Variants in RNF207 observed in about 807,000 individuals in gnomAD.
RNF207 encodes the protein OTTHUMG00000001089.
RNF207 carries 72 observed loss-of-function variants against 79.0 expected under a neutral mutation model. The ratio of observed to expected loss-of-function variants is 0.91; its 90% CI spans 0.75 to 1.11. RNF207 has a LOEUF of 1.11. RNF207 is among the 50% of genes least tolerant of loss of function. The pLI, the probability that RNF207 is intolerant of heterozygous loss-of-function variation, is 0.00. For synonymous variants in RNF207, 348 were observed against 366.2 expected, an observed-to-expected ratio of 0.95 and a Z score of 0.57; for missense variants, 936 against 855.8, an observed-to-expected ratio of 1.09 and a Z score of -1.17.
At chr1:6,210,093 G>A in intron 8 of RNF207, 123 bp downstream of exon 8, 1 of 1,312,688 alleles carries the variant, frequency 7.6e-7, no homozygotes, top group South Asian at 1.3e-5. Context: ...CCCAGCTAAG[G>A]AGGGCAGCAT....
Position 6,212,030 on chromosome 1 carries a change from C to G in RNF207, c.1273C>G (p.Arg425Gly), listed in dbSNP as rs138727802. The change falls in exon 13 of 18, where the codon CGC becomes GGC. Residue 425 changes from arginine to glycine, a missense_variant. Transcript: ENST00000377939. ...GAACACGCCCTTCGCAGAGCACTGC[C>G]GCCACTATGAGGACTCCTACCGGGT... is the stretch of plus-strand genomic sequence containing the variant. Reference protein sequence around the residue: ...GENTPFAEHCRHYEDSYRHLQ... With the variant: ...GENTPFAEHCGHYEDSYRHLQ... The G allele has an allele frequency of 3.1e-6, 5 of 1,601,328 alleles. No individual in the cohort carries two copies. Among genetic ancestry groups the G allele is most frequent in the East Asian group, 4.5e-5 (2 of 44,320 alleles).
At chr1:6,214,744 C>T (rs1240405709) in intron 16 of RNF207, among the ~76,000 whole-genome samples, 2 of 150,376 alleles carry the variant, frequency 1.3e-5, no homozygotes, top group Non-Finnish European at 2.9e-5. Context: ...AAGCCATTCT[C>T]CTGCCTCAGC....
At chr1:6,206,819 G>A in intron 2 of RNF207, 93 bp downstream of exon 2, 1 of 1,046,028 alleles carries the variant, frequency 9.6e-7, no homozygotes, top group Non-Finnish European at 1.4e-6. Context: ...TGCCAGGAGA[G>A]TAAGGCTCCA....
At position 6,209,256 on chromosome 1, in the gene RNF207, C is replaced by G; in HGVS notation, c.552-12C>G. The G allele has an allele frequency of 2.6e-6, 4 of 1,549,438 alleles. No homozygotes were observed. The highest frequency in any genetic ancestry group is 3.5e-6 in the Non-Finnish European group (4 of 1,146,668). On this transcript the variant is annotated splice_polypyrimidine_tract_variant and intron_variant, in intron 5 of 17. Transcript: ENST00000377939. Reference sequence around the variant, plus strand: ...GGCCGCTGGAGCGGGCCTCACCCGCCGCCTTCTGCAGGGAGAGCCGGGCAC... The same window carrying G: ...GGCCGCTGGAGCGGGCCTCACCCGCGGCCTTCTGCAGGGAGAGCCGGGCAC...
rs561978490 is a variant in RNF207 at position 6,206,162 on chromosome 1, GC to G, written c.-139del. On this transcript the variant is annotated 5_prime_UTR_variant, in exon 1 of 18. Coordinates refer to ENST00000377939, the MANE Select transcript of RNF207 (RefSeq NM_207396.3). ...GAGTGGGAACCATCGCCCGGTGCGG[GC>G]CTGAACTTCCAGGGCCGGCTACTCC... The G allele has an allele frequency of 1.8e-3, 388 of 216,376 alleles. 1 individual carries two copies. The highest frequency in any genetic ancestry group is 2.3e-3 in the Non-Finnish European group (255 of 110,418). 13.4% of individuals were successfully genotyped at this position (216,376 alleles called of 1,614,324 possible).
chr1:6,206,506 C>A (rs1667906242), intron 1 of RNF207, 30 bp from the exon 2 acceptor site: 3 of 1,514,070 alleles, frequency 2.0e-6, no homozygotes, highest in Non-Finnish European at 2.6e-6. Flanking sequence ...CCGTGCGTGC[C>A]CCAGCCGCCC....
At chr1:6,213,703 A>G (rs768470377) in intron 16 of RNF207, among the ~76,000 whole-genome samples, 2 of 152,164 alleles carry the variant, frequency 1.3e-5, no homozygotes, top group Non-Finnish European at 2.9e-5. Context: ...GCACTTTCTA[A>G]GGGTGTCACG....
chr1:6,219,484 T>C lies in RNF207; in HGVS notation c.*77T>C. 1 of 1,104,056 alleles carries C rather than the reference T, an allele frequency of 9.1e-7. No homozygotes were observed. Among genetic ancestry groups the C allele is most frequent in the Admixed American group, 2.6e-5 (1 of 38,024 alleles). The allele number at this position is 1,104,056 out of a possible 1,614,324, so 68.4% of individuals were successfully genotyped here. On this transcript the variant is annotated 3_prime_UTR_variant, in exon 18 of 18. Coordinates refer to ENST00000377939, the MANE Select transcript of RNF207 (RefSeq NM_207396.3). ...GACACTGGACAGAAGGTTGTTCCCA[T>C]GATGGTTTTTTTTATTTTTTATTTT...
chr1:6,212,696 C>T lies in RNF207; in HGVS notation c.1497C>T (p.Ala499=), dbSNP rs903561873. ...RVVFQEIWEE[A]YQRVANEQEI... ...TTCTCTTTCAGATTTGGGAGGAAGC[C>T]TATCAGCGAGTGGCTAATGAGCAGG... Residue 499 remains alanine, a synonymous_variant, in exon 15 of 18, where the codon GCC becomes GCT. Transcript: ENST00000377939. 10 of 1,613,760 alleles carry T rather than the reference C, an allele frequency of 6.2e-6. No individual in the cohort carries two copies. The highest frequency in any genetic ancestry group is 8.5e-6 in the Non-Finnish European group (10 of 1,179,798).
intron 16 of RNF207, among the ~76,000 whole-genome samples, chr1:6,214,630 C>CTTTCTTT (rs1668298424): frequency 1.4e-5 from 1 of 70,628 alleles, no homozygotes; most frequent in African/African-American, 6.8e-5. Context: ...ATATTTCTTT[C>CTTTCTTT]TTTTTTTTTT....
Position 6,207,344 on chromosome 1 carries a change from G to A in RNF207, c.192-35G>A. On this transcript the variant is annotated intron_variant, in intron 2 of 17. Transcript: ENST00000377939. The surrounding 1 kb of genome is among the most constrained non-coding windows in gnomAD (Gnocchi z 4.5). ...TGGGGGTGGGGAGCCCTGGGGAAGG[G>A]GTATCAGAATCTCGGGGCCTGGGCT... The A allele has an allele frequency of 6.7e-7, 1 of 1,501,558 alleles. No individual in the cohort carries two copies. Among genetic ancestry groups the A allele is most frequent in the Non-Finnish European group, 8.9e-7 (1 of 1,125,844 alleles). The allele number at this position is 1,501,558 out of a possible 1,614,324, so 93.0% of individuals were successfully genotyped here. A position where few individuals can be genotyped will look rare whatever the true frequency, so the allele number is the denominator to read the frequency against.
intron 10 of RNF207, 135 bp from the exon 11 acceptor site, chr1:6,210,735 C>G: frequency 1.2e-6 from 1 of 817,726 alleles, no homozygotes; most frequent in East Asian, 2.7e-5. Flanking sequence ...CCGGGTGAGT[C>G]CCAGAAGAGG....
chr1:6,219,393 G>A lies in RNF207; in HGVS notation c.1891G>A (p.Glu631Lys). The A allele has an allele frequency of 6.2e-7, 1 of 1,605,420 alleles. No homozygotes were observed. The highest frequency in any genetic ancestry group is 8.5e-7 in the Non-Finnish European group (1 of 1,175,856). ...KNGGDVPTWR[E>K]HPT ...TGGGGGCGATGTCCCCACATGGAGG[G>A]AACACCCGACTTAGCAAATGGGACC... Residue 631 changes from glutamate (E) to lysine (K), a missense_variant, in exon 18 of 18, where the codon GAA (glutamate) becomes AAA (lysine). Glu to Lys is a moderately conservative substitution (Grantham distance 56, BLOSUM62 1). Coordinates refer to ENST00000377939, the MANE Select transcript of RNF207 (RefSeq NM_207396.3).
In RNF207 at chr1:6,212,226, T is replaced by G. The variant is rs1465546008; in HGVS notation, c.1297-5T>G. 4.3e-6 allele frequency: 7 copies of G among 1,610,576 alleles called. No individual in the cohort carries two copies. The highest frequency in any genetic ancestry group is 5.1e-6 in the Non-Finnish European group (6 of 1,178,358). On this transcript the variant is annotated splice_region_variant and splice_polypyrimidine_tract_variant and intron_variant, in intron 13 of 17. Coordinates refer to ENST00000377939, the MANE Select transcript of RNF207 (RefSeq NM_207396.3). ...CCCACGCTCTCACACAGCCTCTCTG[T>G]GCAGCACCTGCAGGCAGAGATGCAG...
chr1:6,212,382 C>A lies in RNF207; in HGVS notation c.1448C>A (p.Ala483Asp). The A allele has an allele frequency of 6.2e-7, 1 of 1,613,120 alleles. No individual in the cohort carries two copies. Among genetic ancestry groups the A allele is most frequent in the Non-Finnish European group, 8.5e-7 (1 of 1,179,516 alleles). Residue 483 changes from alanine to aspartate, a missense_variant, in exon 14 of 18, where the codon GCC (alanine) becomes GAC (aspartate). By Grantham distance (126) the Ala-to-Asp change is moderately radical. Transcript: ENST00000377939. ...GACGTGCAGATCGCCTCGGAGCACG[C>A]CTCCTTAGAGGGCATGAGGGTCGTC... ...QLDVQIASEH[A>D]SLEGMRVVFQ... is the part of the protein sequence containing the mutation.
chr1:6,214,939 T>G (rs183916127), intron 16 of RNF207, among the ~76,000 whole-genome samples: 64 of 152,074 alleles, frequency 4.2e-4, no homozygotes, highest in Non-Finnish European at 7.5e-4. Context: ...TTTTTCAATT[T>G]GTTGATTTCT....
Position 6,209,275 on chromosome 1 carries a change from C to G in RNF207, c.559C>G (p.Arg187Gly), listed in dbSNP as rs1668050840. 1.3e-6 allele frequency: 2 copies of G among 1,549,162 alleles called. No homozygotes were observed. The highest frequency in any genetic ancestry group is 1.4e-5 in the African/African-American group (1 of 73,168). The stretch of plus-strand genomic sequence containing the variant: ...ACCCGCCGCCTTCTGCAGGGAGAGC[C>G]GGGCACACTGCGTGGACCTGGAATC... Reference protein sequence around the residue: ...RCFRDMQKESRAHCVDLESAY... With the variant: ...RCFRDMQKESGAHCVDLESAY... Residue 187 changes from arginine (R) to glycine (G), a missense_variant, in exon 6 of 18, where the codon CGG becomes GGG. Coordinates refer to ENST00000377939, the MANE Select transcript of RNF207 (RefSeq NM_207396.3).
intron 17 of RNF207, among the ~76,000 whole-genome samples, 187 bp from the exon 18 acceptor site, chr1:6,219,049 C>T (rs1370289145): frequency 6.6e-6 from 1 of 152,038 alleles, no homozygotes; most frequent in East Asian, 1.9e-4. Flanking sequence ...CACAGCCATC[C>T]CCTGGGGATG....
At chr1:6,216,874 G>C (rs1220678301) in intron 16 of RNF207, among the ~76,000 whole-genome samples, 1 of 151,314 alleles carries the variant, frequency 6.6e-6, no homozygotes, top group African/African-American at 2.4e-5. Context: ...GGCTTTTTTT[G>C]TTCGTTTGTT....
Sources: allele counts gnomAD v4.1 joint callset (sites outside exome capture counted in the v4.1 genomes callset), GRCh38; gene constraint gnomAD v4.1.1; non-coding constraint Gnocchi (gnomAD v3.1); transcripts MANE v1.5; gene names NCBI Gene and HGNC (gene_info 2026-07-23, HGNC 2026-07-21).